Variants in ACTA1 observed in about 807,000 individuals in gnomAD.
ACTA1 encodes the protein actin, alpha skeletal muscle.
In ACTA1, 25 loss-of-function variants were observed where a neutral mutation model predicts 35.8. That is an observed-to-expected ratio of 0.70 (90% CI 0.51 to 0.97). ACTA1 has a LOEUF of 0.97. Among genes scored for constraint, ACTA1 ranks in the 50% least tolerant of loss-of-function variants. ACTA1 has a pLI of 0.00. For missense variants in ACTA1, 174 were observed against 533.0 expected (o/e 0.33, Z 6.63); for synonymous variants, 219 against 217.1 (o/e 1.01, Z -0.08).
chr1:229,431,282 A>C lies in ACTA1; in HGVS notation c.*217T>G, dbSNP rs918435796. On this transcript the variant is annotated 3_prime_UTR_variant, in exon 7 of 7. Transcript: ENST00000366684. This position sits in a 1 kb window ranked among gnomAD's most constrained non-coding sequence, Gnocchi z 7.1. ...AACAGAATGACTTTAATGCTTCTTC[A>C]AGTTTTCCATTTTCTTCCACAGGGC... The C allele has an allele frequency of 4.6e-5, 31 of 678,138 alleles. No individual in the cohort carries two copies. In the Middle Eastern group the frequency reaches 2.0e-3, roughly 45 times the overall value. 42.0% of individuals were successfully genotyped at this position (678,138 alleles called of 1,614,324 possible).
At position 229,431,460 on chromosome 1, in the gene ACTA1, C is replaced by G. The variant is rs768760401; in HGVS notation, c.*39G>C. On this transcript the variant is annotated 3_prime_UTR_variant, in exon 7 of 7. Transcript: ENST00000366684. The surrounding 1 kb of genome is among the most constrained non-coding windows in gnomAD (Gnocchi z 7.1). The stretch of plus-strand genomic sequence containing the variant: ...CAGCCGCCCCCCCATTGAGAAGATT[C>G]GTCGTCCTGAGAAGTCGCGTGCTGG... 1.9e-6 allele frequency: 3 copies of G among 1,612,318 alleles called. No individual in the cohort carries two copies. Among genetic ancestry groups the G allele is most frequent in the South Asian group, 1.1e-5 (1 of 90,996 alleles).
At chr1:229,433,934 T>TAA (rs1660008746) in intron 1 of ACTA1, 70 bp downstream of exon 1, 1 of 152,482 alleles carries the variant, frequency 6.6e-6, no homozygotes, top group African/African-American at 2.4e-5. Context: ...GACTGGGTTC[T>TAA]GCCCCGGAGT....
chr1:229,431,346 T>C lies in ACTA1; in HGVS notation c.*153A>G, dbSNP rs896116316. On this transcript the variant is annotated 3_prime_UTR_variant, in exon 7 of 7. Transcript: ENST00000366684. The surrounding 1 kb of genome is among the most constrained non-coding windows in gnomAD (Gnocchi z 7.1). Reference sequence around the variant, plus strand: ...ATAACAAAATGAGGTAATAAGTTAATGTATGTACACGTTATAAACACTGTG... The same window carrying C: ...ATAACAAAATGAGGTAATAAGTTAACGTATGTACACGTTATAAACACTGTG... 17 of 1,018,710 alleles carry C rather than the reference T, an allele frequency of 1.7e-5. No individual in the cohort carries two copies. The highest frequency in any genetic ancestry group is 1.6e-4 in the African/African-American group (10 of 62,802). 63.1% of individuals were successfully genotyped at this position (1,018,710 alleles called of 1,614,324 possible).
At position 229,432,172 on chromosome 1, in the gene ACTA1, G is replaced by A. The variant is rs1558081685; in HGVS notation, c.630C>T (p.Ile210=). The change falls in exon 5 of 7, where the codon ATC becomes ATT. Residue 210 remains isoleucine, a synonymous_variant. Coordinates refer to ENST00000366684, the MANE Select transcript of ACTA1 (RefSeq NM_001100.4). Reference sequence around the variant, plus strand: ...ACAGCTTCTCCTTGATGTCGCGCACGATCTCGCGCTCAGCTGCGGAGGGCA... The same window carrying A: ...ACAGCTTCTCCTTGATGTCGCGCACAATCTCGCGCTCAGCTGCGGAGGGCA... ...YSFVTTAERE[I]VRDIKEKLCY... The A allele has an allele frequency of 4.3e-6, 7 of 1,613,582 alleles. No individual in the cohort carries two copies. The highest frequency in any genetic ancestry group is 5.9e-6 in the Non-Finnish European group (7 of 1,179,822).
Position 229,431,872 on chromosome 1 carries a change from G to A in ACTA1, c.839C>T (p.Thr280Ile). 3 of 1,614,080 alleles carry A rather than the reference G, an allele frequency of 1.9e-6. No individual in the cohort carries two copies. The highest frequency in any genetic ancestry group is 2.5e-6 in the Non-Finnish European group (3 of 1,179,990). The stretch of plus-strand genomic sequence containing the variant: ...GTCACACTTCATGATGCTGTTGTAG[G>A]TGGTCTCGTGAATGCCCGCCGACTC... ...GMESAGIHET[T>I]YNSIMKCDID... The change falls in exon 6 of 7, where the codon ACC becomes ATC. Residue 280 changes from threonine (T) to isoleucine (I), a missense_variant. Thr to Ile is a moderately conservative substitution (Grantham distance 89). Transcript: ENST00000366684. This position sits in a 1 kb window ranked among gnomAD's most constrained non-coding sequence, Gnocchi z 7.1.
Position 229,432,366 on chromosome 1 carries a change from G to A in ACTA1, c.520C>T (p.Pro174Ser). 6.2e-7 allele frequency: 1 copy of A among 1,613,666 alleles called. No homozygotes were observed. The highest frequency in any genetic ancestry group is 8.5e-7 in the Non-Finnish European group (1 of 1,179,850). Residue 174 changes from proline (P) to serine (S), a missense_variant, in exon 4 of 7, where the codon CCG (proline) becomes TCG (serine). Physicochemically the swap from Pro to Ser is moderately conservative, Grantham distance 74. Transcript: ENST00000366684. ...NVPIYEGYALPHAIMRLDLAG... is the reference protein window; with the variant it reads ...NVPIYEGYALSHAIMRLDLAG... ...AGGTCCAGGCGCATGATGGCGTGCG[G>A]CAGCGCGTAGCCCTCATAAATGGGC...
At position 229,432,376 on chromosome 1, in the gene ACTA1, G is replaced by C; in HGVS notation, c.510C>G (p.Gly170=). ...GCATGATGGCGTGCGGCAGCGCGTA[G>C]CCCTCATAAATGGGCACGTTGTGGG... ...GVTHNVPIYE[G]YALPHAIMRL... Residue 170 remains glycine, a synonymous_variant, in exon 4 of 7, where the codon GGC becomes GGG. Transcript: ENST00000366684. 6.2e-7 allele frequency: 1 copy of C among 1,613,598 alleles called. No individual in the cohort carries two copies. The highest frequency in any genetic ancestry group is 2.2e-5 in the East Asian group (1 of 44,860).
rs1353323859 is a variant in ACTA1, at chr1:229,431,705, G to T, written c.990+16C>A. On this transcript the variant is annotated intron_variant, in intron 6 of 6. Coordinates refer to ENST00000366684, the MANE Select transcript of ACTA1 (RefSeq NM_001100.4). The surrounding 1 kb of genome is among the most constrained non-coding windows in gnomAD (Gnocchi z 7.1). ...GGAGCCCACCCCGCCGACAGCCCGC[G>T]CAGGCCACCACCCACCTTGATCTTC... The T allele has an allele frequency of 7.4e-6, 12 of 1,613,930 alleles. No homozygotes were observed. Among genetic ancestry groups the T allele is most frequent in the Non-Finnish European group, 8.5e-6 (10 of 1,180,004 alleles).
In ACTA1 at chr1:229,431,652, AGC is replaced by A. The variant is rs751916311; in HGVS notation, c.991-12_991-11del. ...CCGGCGGGGCGATGATCTGCAAGAC[AGC>A]GCGTGAGGTGGGGAGACCTCACCCT... On this transcript the variant is annotated splice_polypyrimidine_tract_variant and intron_variant, in intron 6 of 6. Transcript: ENST00000366684. The surrounding 1 kb of genome is among the most constrained non-coding windows in gnomAD (Gnocchi z 7.1). The A allele has an allele frequency of 1.9e-6, 3 of 1,614,062 alleles. No individual in the cohort carries two copies. Among genetic ancestry groups the A allele is most frequent in the Non-Finnish European group, 2.5e-6 (3 of 1,179,980 alleles).
chr1:229,432,389 G>T lies in ACTA1; in HGVS notation c.497C>A (p.Pro166His). The T allele has an allele frequency of 6.2e-7, 1 of 1,613,280 alleles. No individual in the cohort carries two copies. The highest frequency in any genetic ancestry group is 8.5e-7 in the Non-Finnish European group (1 of 1,179,786). ...DSGDGVTHNV[P>H]IYEGYALPHA... ...CGGCAGCGCGTAGCCCTCATAAATGGGCACGTTGTGGGTGACGCCGTCGCC... is the reference window on the plus strand; with the variant it reads ...CGGCAGCGCGTAGCCCTCATAAATGTGCACGTTGTGGGTGACGCCGTCGCC... Residue 166 changes from proline (P) to histidine (H), a missense_variant, in exon 4 of 7, where the codon CCC becomes CAC. Physicochemically the swap from Pro to His is moderately conservative, Grantham distance 77. Coordinates refer to ENST00000366684, the MANE Select transcript of ACTA1 (RefSeq NM_001100.4).
rs377265320 is a variant in ACTA1 at position 229,432,257 on chromosome 1, G to A, written c.616+13C>T. 7 of 1,613,502 alleles carry A rather than the reference G, an allele frequency of 4.3e-6. No individual in the cohort carries two copies. The highest frequency in any genetic ancestry group is 5.9e-6 in the Non-Finnish European group (7 of 1,179,732). On this transcript the variant is annotated intron_variant, in intron 4 of 6. Coordinates refer to ENST00000366684, the MANE Select transcript of ACTA1 (RefSeq NM_001100.4). ...GCCGGCCCTCCCGCCCGGGGTGCAG[G>A]GGCGCCGCGCACCTGTGGTCACGAA...
chr1:229,431,961 C>T lies in ACTA1; in HGVS notation c.808+33G>A. On this transcript the variant is annotated intron_variant, in intron 5 of 6. Coordinates refer to ENST00000366684, the MANE Select transcript of ACTA1 (RefSeq NM_001100.4). The surrounding 1 kb of genome is among the most constrained non-coding windows in gnomAD (Gnocchi z 7.1). ...TCGGGGCGCCGGGGGCCGGCGGGGC[C>T]TGGGGGCCGGGGCGAGGGCGAGCGG... The T allele has an allele frequency of 6.2e-7, 1 of 1,605,552 alleles. No homozygotes were observed.
At chr1:229,433,459 T>C (rs1659997504) in intron 1 of ACTA1, among the ~76,000 whole-genome samples, 1 of 152,180 alleles carries the variant, frequency 6.6e-6, no homozygotes, top group Non-Finnish European at 1.5e-5. Flanking sequence ...TGGACGCTAG[T>C]GCCCATCCTC....
Position 229,432,391 on chromosome 1 carries a change from C to T in ACTA1, c.495G>A (p.Val165=). The T allele has an allele frequency of 1.9e-6, 3 of 1,613,174 alleles. No individual in the cohort carries two copies. In the South Asian group the frequency reaches 3.3e-5, roughly 18 times the overall value. Residue 165 remains valine (V), a synonymous_variant, in exon 4 of 7, where the codon GTG becomes GTA. Transcript: ENST00000366684. ...GCAGCGCGTAGCCCTCATAAATGGGCACGTTGTGGGTGACGCCGTCGCCGG... is the reference window on the plus strand; with the variant it reads ...GCAGCGCGTAGCCCTCATAAATGGGTACGTTGTGGGTGACGCCGTCGCCGG... The part of the protein sequence containing the change: ...LDSGDGVTHN[V]PIYEGYALPH...
chr1:229,432,072 G>A lies in ACTA1; in HGVS notation c.730C>T (p.Leu244=), dbSNP rs979475402. Residue 244 remains leucine (L), a synonymous_variant, in exon 5 of 7, where the codon CTG becomes TTG. Coordinates refer to ENST00000366684, the MANE Select transcript of ACTA1 (RefSeq NM_001100.4). ...SSSSLEKSYE[L]PDGQVITIGN... ...ATGGTGATGACCTGCCCGTCTGGCA[G>A]CTCGTAGCTCTTTTCCAGGGAGGAG... 5 of 1,612,638 alleles carry A rather than the reference G, an allele frequency of 3.1e-6. No homozygotes were observed. Among genetic ancestry groups the A allele is most frequent in the African/African-American group, 1.3e-5 (1 of 74,846 alleles).
Position 229,431,316 on chromosome 1 carries a change from G to T in ACTA1, c.*183C>A, listed in dbSNP as rs542093083. 1 of 865,604 alleles carries T rather than the reference G, an allele frequency of 1.2e-6. No individual in the cohort carries two copies. The highest frequency in any genetic ancestry group is 1.8e-6 in the Non-Finnish European group (1 of 546,988). The allele number at this position is 865,604 out of a possible 1,614,324, so 53.6% of individuals were successfully genotyped here. On this transcript the variant is annotated 3_prime_UTR_variant, in exon 7 of 7. Transcript: ENST00000366684. This position sits in a 1 kb window ranked among gnomAD's most constrained non-coding sequence, Gnocchi z 7.1. ...ATTTTCTTCCACAGGGCTTTGTTTC[G>T]AAAAATAACAAAATGAGGTAATAAG... is the stretch of plus-strand genomic sequence containing the variant.
rs746125735 is a variant in ACTA1 at position 229,431,917 on chromosome 1, G to GT, written c.809-16_809-15insA. On this transcript the variant is annotated splice_polypyrimidine_tract_variant and intron_variant, in intron 5 of 6. Coordinates refer to ENST00000366684, the MANE Select transcript of ACTA1 (RefSeq NM_001100.4). This position sits in a 1 kb window ranked among gnomAD's most constrained non-coding sequence, Gnocchi z 7.1. ...CGACTCCATACCTGGGGACCGCGGC[G>GT]GGGAGCGTGAGCAGAAGCTCGGGGC... 2 of 1,610,052 alleles carry GT rather than the reference G, an allele frequency of 1.2e-6. No individual in the cohort carries two copies. The highest frequency in any genetic ancestry group is 1.7e-6 in the Non-Finnish European group (2 of 1,177,902).
At position 229,432,204 on chromosome 1, in the gene ACTA1, G is replaced by A; in HGVS notation, c.617-19C>T. The A allele has an allele frequency of 6.2e-7, 1 of 1,613,314 alleles. No individual in the cohort carries two copies. The highest frequency in any genetic ancestry group is 8.5e-7 in the Non-Finnish European group (1 of 1,179,624). On this transcript the variant is annotated intron_variant, in intron 4 of 6. Coordinates refer to ENST00000366684, the MANE Select transcript of ACTA1 (RefSeq NM_001100.4). ...CGCTCAGCTGCGGAGGGCAGAAGCAGGAGAGGAGCCCTCACTCAGGGGCCG... is the reference window on the plus strand; with the variant it reads ...CGCTCAGCTGCGGAGGGCAGAAGCAAGAGAGGAGCCCTCACTCAGGGGCCG...
rs767883432 is a variant in ACTA1, at chr1:229,431,654, C to G, written c.991-12G>C. The G allele has an allele frequency of 1.2e-5, 19 of 1,613,766 alleles. No individual in the cohort carries two copies. The highest frequency in any genetic ancestry group is 1.6e-5 in the Non-Finnish European group (19 of 1,179,954). On this transcript the variant is annotated splice_polypyrimidine_tract_variant and intron_variant, in intron 6 of 6. Coordinates refer to ENST00000366684, the MANE Select transcript of ACTA1 (RefSeq NM_001100.4). This position sits in a 1 kb window ranked among gnomAD's most constrained non-coding sequence, Gnocchi z 7.1. ...GGCGGGGCGATGATCTGCAAGACAG[C>G]GCGTGAGGTGGGGAGACCTCACCCT... is the stretch of plus-strand genomic sequence containing the variant.
Sources: allele counts gnomAD v4.1 joint callset (sites outside exome capture counted in the v4.1 genomes callset), GRCh38; gene constraint gnomAD v4.1.1; non-coding constraint Gnocchi (gnomAD v3.1); transcripts MANE v1.5; gene names NCBI Gene and HGNC (gene_info 2026-07-23, HGNC 2026-07-21).